Variants in NECTIN3 observed in about 807,000 individuals in gnomAD.
The protein encoded by NECTIN3 is nectin-3.
Under a neutral mutation model 49.4 loss-of-function variants are expected in NECTIN3, and 8 were observed. The observed-to-expected ratio is 0.16, with a 90% CI of 0.10 to 0.29. NECTIN3 has a LOEUF of 0.29. Among genes scored for constraint, NECTIN3 ranks in the 10% least tolerant of loss-of-function variants. The probability of loss-of-function intolerance (pLI) is 1.00; values close to 1 mark genes in which losing one functional copy is unlikely to be tolerated. For missense variants in NECTIN3, 581 were observed against 654.6 expected, an observed-to-expected ratio of 0.89 and a Z score of 1.23; for synonymous variants, 277 against 241.1, an observed-to-expected ratio of 1.15 and a Z score of -1.38.
At chr3:111,153,180 T>C (rs992638776) in intron 7 of NECTIN3, among the ~76,000 whole-genome samples, 1 of 151,952 alleles carries the variant, frequency 6.6e-6, no homozygotes, top group South Asian at 2.1e-4. Flanking sequence ...TCGTCTTTTA[T>C]ATTGCCTTCA....
At chr3:111,117,843 T>G (rs2033754309) in intron 2 of NECTIN3, among the ~76,000 whole-genome samples, 1 of 152,074 alleles carries the variant, frequency 6.6e-6, no homozygotes, top group African/African-American at 2.4e-5. Context: ...TAAGAGATAT[T>G]GGGGGCAGAG....
chr3:111,080,592 A>G (rs562242431), intron 1 of NECTIN3, among the ~76,000 whole-genome samples: 1 of 151,726 alleles, frequency 6.6e-6, no homozygotes, highest in South Asian at 2.1e-4. Context: ...TGACCTGTGT[A>G]TGAGCTTTAT....
chr3:111,184,653 A>G (rs900655151), intron 7 of NECTIN3, among the ~76,000 whole-genome samples: 59 of 152,190 alleles, frequency 3.9e-4, no homozygotes, highest in African/African-American at 1.2e-3. Context: ...TTTAGTTTCT[A>G]TATACTTATT....
chr3:111,168,185 A>G (rs145579556), intron 7 of NECTIN3, among the ~76,000 whole-genome samples: 1 of 151,958 alleles, frequency 6.6e-6, no homozygotes, highest in Non-Finnish European at 1.5e-5. Context: ...AATAACATAC[A>G]AAGAGCTATG....
intron 7 of NECTIN3, among the ~76,000 whole-genome samples, chr3:111,174,783 T>C (rs1012831698): frequency 5.3e-5 from 8 of 151,894 alleles, no homozygotes; most frequent in African/African-American, 1.9e-4. Context: ...CAGGTGTGCA[T>C]GTGTTACAGT....
At chr3:111,103,003 C>G (rs1004394587) in intron 1 of NECTIN3, among the ~76,000 whole-genome samples, 16 of 152,288 alleles carry the variant, frequency 1.1e-4, no homozygotes, top group African/African-American at 3.6e-4. Flanking sequence ...TTCTGTTCCA[C>G]TGACCTGTCT....
intron 7 of NECTIN3, among the ~76,000 whole-genome samples, chr3:111,177,598 G>A (rs2035554595): frequency 6.6e-6 from 1 of 152,130 alleles, no homozygotes; most frequent in Non-Finnish European, 1.5e-5. Flanking sequence ...ATACAGAAAA[G>A]ACAGCTACCA....
At chr3:111,120,671 A>T (rs1398571803) in intron 3 of NECTIN3, among the ~76,000 whole-genome samples, 1 of 152,044 alleles carries the variant, frequency 6.6e-6, no homozygotes. Flanking sequence ...GTAAAGACTG[A>T]TCTGGTCTCT....
chr3:111,136,189 C>G lies in NECTIN3; in HGVS notation c.*1974C>G. The stretch of plus-strand genomic sequence containing the variant: ...TCTTTTAAAATAATGGTTTGAAATA[C>G]TGTATGGATCTGAACAGAATAATCA... On this transcript the variant is annotated 3_prime_UTR_variant, in exon 6 of 6. Coordinates refer to ENST00000485303, the MANE Select transcript of NECTIN3 (RefSeq NM_015480.3). The G allele has an allele frequency of 2.1e-6, 2 of 968,078 alleles. No homozygotes were observed. The highest frequency in any genetic ancestry group is 2.5e-6 in the Non-Finnish European group (2 of 814,548). 60.0% of individuals were successfully genotyped at this position (968,078 alleles called of 1,614,324 possible). A position where few individuals can be genotyped will look rare whatever the true frequency, so the allele number is the denominator to read the frequency against.
intron 1 of NECTIN3, among the ~76,000 whole-genome samples, chr3:111,107,838 G>C (rs868088712): frequency 6.6e-6 from 1 of 152,224 alleles, no homozygotes; most frequent in South Asian, 2.1e-4. Context: ...TTATTCAGAA[G>C]TGGTTTTTAA....
At chr3:111,109,165 A>T (rs1316735349) in intron 1 of NECTIN3, among the ~76,000 whole-genome samples, 4 of 152,036 alleles carry the variant, frequency 2.6e-5, no homozygotes, top group African/African-American at 9.7e-5. Flanking sequence ...TTTTAAGGAC[A>T]CCAGTCCAAT....
At chr3:111,176,119 A>G (rs1375227353) in intron 7 of NECTIN3, among the ~76,000 whole-genome samples, 4 of 152,114 alleles carry the variant, frequency 2.6e-5, no homozygotes, top group Non-Finnish European at 2.9e-5. Flanking sequence ...CCCAAACTCT[A>G]TTTGGCCATA....
chr3:111,140,127 A>G (rs1482433524), downstream of NECTIN3, among the ~76,000 whole-genome samples: 1 of 151,900 alleles, frequency 6.6e-6, no homozygotes, highest in Non-Finnish European at 1.5e-5. Flanking sequence ...TCAAAAACAA[A>G]TAGATTCAAA....
chr3:111,183,621 G>A, intron 7 of NECTIN3, among the ~76,000 whole-genome samples: 1 of 151,890 alleles, frequency 6.6e-6, no homozygotes, highest in East Asian at 1.9e-4. Flanking sequence ...GCCTATTTTT[G>A]AATATTTTAT....
chr3:111,130,524 A>G (rs1212425970), intron 5 of NECTIN3, among the ~76,000 whole-genome samples: 1 of 152,116 alleles, frequency 6.6e-6, no homozygotes, highest in Non-Finnish European at 1.5e-5. Context: ...TCTAGGAAAA[A>G]AATGTTACCT....
intron 5 of NECTIN3, 50 bp downstream of exon 5, chr3:111,126,385 A>G: frequency 6.9e-7 from 1 of 1,454,132 alleles, no homozygotes; most frequent in Non-Finnish European, 9.5e-7. Flanking sequence ...ATTTCTGAAT[A>G]ATCATAGTAA....
downstream of NECTIN3, among the ~76,000 whole-genome samples, chr3:111,141,926 AGTG>A (rs1404340435): frequency 1.6e-4 from 24 of 151,626 alleles, no homozygotes; most frequent in Non-Finnish European, 3.0e-4. Context: ...TTTCCTCTGT[AGTG>A]GTTTTATTGG....
At chr3:111,177,297 A>G (rs1045673325) in intron 7 of NECTIN3, among the ~76,000 whole-genome samples, 1 of 152,032 alleles carries the variant, frequency 6.6e-6, no homozygotes, top group African/African-American at 2.4e-5. Context: ...TCTCTAATCG[A>G]TATTTATTAT....
chr3:111,178,434 G>A (rs1398699274), intron 7 of NECTIN3, among the ~76,000 whole-genome samples: 2 of 152,108 alleles, frequency 1.3e-5, no homozygotes, highest in Non-Finnish European at 2.9e-5. Context: ...AAAAAGAGAG[G>A]GGAAATACCC....
Sources: gnomAD v4.1 joint callset for allele counts (sites outside exome capture counted in the v4.1 genomes callset) on GRCh38, gnomAD v4.1.1 for gene constraint, MANE v1.5 for transcripts, NCBI Gene and HGNC (gene_info 2026-07-23, HGNC 2026-07-21) for gene names.